The following VSTM4 variants were observed in gnomAD, a reference collection of about 807,000 sequenced individuals.
The protein encoded by VSTM4 is V-set and transmembrane domain-containing protein 4.
VSTM4 carries 20 observed loss-of-function variants against 36.4 expected under a neutral mutation model. The ratio of observed to expected loss-of-function variants is 0.55; its 90% CI spans 0.39 to 0.80. The LOEUF is 0.80. VSTM4 is among the 30% of genes least tolerant of loss of function. The pLI is 0.00. For missense variants in VSTM4, 392 were observed against 404.5 expected (o/e 0.97, Z 0.26); for synonymous variants, 182 against 173.9 (o/e 1.05, Z -0.37).
At position 49,065,441 on chromosome 10, in the gene VSTM4, AC is replaced by A. The variant is rs1357036529; in HGVS notation, c.635-706del. 3.3e-5 allele frequency among the ~76,000 whole-genome samples: 5 copies of A among 152,160 alleles called. No homozygotes were observed. In the East Asian group the frequency reaches 9.7e-4, roughly 29 times the overall value. On this transcript the variant is annotated intron_variant, in intron 4 of 7. Coordinates refer to ENST00000332853, the MANE Select transcript of VSTM4 (RefSeq NM_001031746.5). ...CCCATGTGTACCCCCTCCCAAACTG[AC>A]TCTGGGCTTGGCCATATGAACTTGC...
intron 2 of VSTM4, chr10:49,103,699 T>C: frequency 6.2e-7 from 1 of 1,606,718 alleles, no homozygotes; most frequent in South Asian, 1.1e-5. Context: ...CCAGCCTTTC[T>C]TTCTGGGAGT....
chr10:49,093,685 T>C (rs1329622402), intron 2 of VSTM4, among the ~76,000 whole-genome samples: 2 of 152,034 alleles, frequency 1.3e-5, no homozygotes, highest in East Asian at 3.8e-4. Context: ...ATTATCTGTG[T>C]CTGTTTTCTT....
intron 7 of VSTM4, among the ~76,000 whole-genome samples, chr10:49,043,057 G>A (rs941478927): frequency 3.9e-5 from 6 of 152,078 alleles, no homozygotes; most frequent in Admixed American, 6.5e-5. Context: ...GAAGGGAAAT[G>A]AGAGAGAGGG....
chr10:49,110,028 G>A (rs1844863643), intron 1 of VSTM4, among the ~76,000 whole-genome samples: 1 of 152,202 alleles, frequency 6.6e-6, no homozygotes, highest in Non-Finnish European at 1.5e-5. Context: ...GACACTGGCT[G>A]ACCCAGCTCC....
At position 49,017,219 on chromosome 10, in the gene VSTM4, T is replaced by A. The variant is rs2131922929; in HGVS notation, c.*2431A>T. The A allele has an allele frequency of 6.6e-6, 1 of 152,338 alleles. No homozygotes were observed. The highest frequency in any genetic ancestry group is 1.5e-5 in the Non-Finnish European group (1 of 68,034). 9.4% of individuals were successfully genotyped at this position (152,338 alleles called of 1,614,324 possible). A position where few individuals can be genotyped will look rare whatever the true frequency, so the allele number is the denominator to read the frequency against. Reference sequence around the variant, plus strand: ...CATTTTTTTAAGCTTACTATGGCAATAATGTCAATATATCCTCTCAAACAA... The same window carrying A: ...CATTTTTTTAAGCTTACTATGGCAAAAATGTCAATATATCCTCTCAAACAA... On this transcript the variant is annotated 3_prime_UTR_variant, in exon 8 of 8. Coordinates refer to ENST00000332853, the MANE Select transcript of VSTM4 (RefSeq NM_001031746.5).
At chr10:49,038,097 C>A (rs1345780702) in intron 7 of VSTM4, among the ~76,000 whole-genome samples, 2 of 152,308 alleles carry the variant, frequency 1.3e-5, no homozygotes, top group East Asian at 3.9e-4. Context: ...ATCCAGCAAT[C>A]CCCCTTCTGG....
intron 7 of VSTM4, among the ~76,000 whole-genome samples, chr10:49,025,156 C>G (rs920261635): frequency 1.3e-5 from 2 of 152,076 alleles, no homozygotes; most frequent in Admixed American, 1.3e-4. Context: ...GACTTCCGGC[C>G]TCCACAACTG....
intron 7 of VSTM4, among the ~76,000 whole-genome samples, chr10:49,031,288 T>C (rs1843342035): frequency 6.6e-6 from 1 of 152,222 alleles, no homozygotes; most frequent in Admixed American, 6.5e-5. Context: ...GACGAGGTAC[T>C]TCACCTCTTT....
chr10:49,016,588 G>A lies in VSTM4; in HGVS notation c.*3062C>T, dbSNP rs566750638. 2.6e-5 allele frequency: 4 copies of A among 152,338 alleles called. No homozygotes were observed. The highest frequency in any genetic ancestry group is 2.0e-4 in the Admixed American group (3 of 15,302). 9.4% of individuals were successfully genotyped at this position (152,338 alleles called of 1,614,324 possible). ...GCCATGAATAATTCCCAAAGCGAGGGGGTCTTTGGGCTCATTGCTGTGTGG... is the reference window on the plus strand; with the variant it reads ...GCCATGAATAATTCCCAAAGCGAGGAGGTCTTTGGGCTCATTGCTGTGTGG... On this transcript the variant is annotated 3_prime_UTR_variant, in exon 8 of 8. Transcript: ENST00000332853.
intron 3 of VSTM4, among the ~76,000 whole-genome samples, chr10:49,077,993 GA>G (rs145019057): frequency 0.3 from 42,005 of 141,922 alleles, 5,882 homozygotes; most frequent in Admixed American, 0.37. Flanking sequence ...TTGGAGAAAT[GA>G]AAAAAAAAAA....
intron 4 of VSTM4, among the ~76,000 whole-genome samples, chr10:49,070,252 CAAAAAAAAAAAAA>C (rs780515012): frequency 9.2e-5 from 2 of 21,726 alleles, no homozygotes; most frequent in South Asian, 1.6e-3. Context: ...GACTCCGTCT[CAAAAAAAAAAAAA>C]AAAAAAAAAA....
At chr10:49,042,535 T>G (rs976963043) in intron 7 of VSTM4, among the ~76,000 whole-genome samples, 3 of 152,214 alleles carry the variant, frequency 2.0e-5, no homozygotes, top group African/African-American at 7.2e-5. Flanking sequence ...GCTTCCAATG[T>G]GCTGGTGAAA....
intron 7 of VSTM4, among the ~76,000 whole-genome samples, chr10:49,033,856 G>A (rs1843383643): frequency 1.3e-5 from 2 of 152,146 alleles, no homozygotes; most frequent in Admixed American, 1.3e-4. Context: ...GAAGTGCCAT[G>A]GAAGGGTGAG....
intron 4 of VSTM4, among the ~76,000 whole-genome samples, chr10:49,067,927 T>A (rs1270926363): frequency 6.6e-6 from 1 of 152,182 alleles, no homozygotes; most frequent in Non-Finnish European, 1.5e-5. Flanking sequence ...AGTATTTCCA[T>A]ATAACCTACG....
chr10:49,026,616 A>G, intron 7 of VSTM4, among the ~76,000 whole-genome samples: 1 of 152,196 alleles, frequency 6.6e-6, no homozygotes, highest in East Asian at 1.9e-4. Flanking sequence ...CCACCCTGCC[A>G]TGGTGGCAGC....
chr10:49,076,603 CAG>C (rs1844182730), intron 4 of VSTM4, among the ~76,000 whole-genome samples: 1 of 152,152 alleles, frequency 6.6e-6, no homozygotes, highest in African/African-American at 2.4e-5. Flanking sequence ...CGGGGAGAAG[CAG>C]AGACTCTCGA....
intron 2 of VSTM4, among the ~76,000 whole-genome samples, chr10:49,094,824 G>C (rs947507726): frequency 6.6e-6 from 1 of 152,184 alleles, no homozygotes; most frequent in Non-Finnish European, 1.5e-5. Flanking sequence ...GAGACACAGA[G>C]ACCTTCTCTG....
intron 2 of VSTM4, among the ~76,000 whole-genome samples, chr10:49,105,213 CAGAGAGAGAGAG>C (rs376193769): frequency 6.0e-5 from 7 of 117,436 alleles, no homozygotes; most frequent in Non-Finnish European, 1.2e-4. Context: ...GACAGAGAGA[CAGAGAGAGAGAG>C]AGAGAGAGAG....
chr10:49,090,480 T>C (rs1844452809), intron 2 of VSTM4, among the ~76,000 whole-genome samples: 1 of 152,052 alleles, frequency 6.6e-6, no homozygotes, highest in African/African-American at 2.4e-5. Context: ...CAGACAATGG[T>C]CCTATAGGGT....
Sources: gnomAD v4.1 joint callset for allele counts (sites outside exome capture counted in the v4.1 genomes callset) on GRCh38, gnomAD v4.1.1 for gene constraint, MANE v1.5 for transcripts, NCBI Gene and HGNC (gene_info 2026-07-23, HGNC 2026-07-21) for gene names.